The following SP140 variants were observed in gnomAD, a reference collection of about 807,000 sequenced individuals.
The protein encoded by SP140 is nuclear body protein SP140.
A neutral mutation model predicts 125.0 loss-of-function variants in SP140; 81 were observed. The ratio of observed to expected loss-of-function variants is 0.65; its 90% CI spans 0.54 to 0.78. The LOEUF (loss-of-function observed/expected upper bound fraction) is 0.78, where lower values mean the gene tolerates loss of function less well. SP140 is among the 30% of genes least tolerant of loss of function. SP140 has a pLI of 0.00. For missense variants in SP140, 858 were observed against 1,037.0 expected (o/e 0.83, Z 2.37); for synonymous variants, 312 against 354.0 (o/e 0.88, Z 1.33).
At chr2:230,221,364 C>T (rs2045805007), upstream of SP140, among the ~76,000 whole-genome samples, 1 of 151,904 alleles carries the variant, frequency 6.6e-6, no homozygotes, top group African/African-American at 2.4e-5. Context: ...GTTCCCCTAC[C>T]AGGACATCCA....
At chr2:230,277,541 G>A (rs2054903129) in intron 15 of SP140, among the ~76,000 whole-genome samples, 1 of 152,096 alleles carries the variant, frequency 6.6e-6, no homozygotes, top group Admixed American at 6.6e-5. Context: ...GTATTTCTAA[G>A]ATATGCCTGT....
chr2:230,239,663 G>T (rs2048445770), intron 3 of SP140, among the ~76,000 whole-genome samples: 1 of 152,184 alleles, frequency 6.6e-6, no homozygotes, highest in African/African-American at 2.4e-5. Flanking sequence ...TGGCAAGGCT[G>T]GTCTTGAACC....
intron 15 of SP140, among the ~76,000 whole-genome samples, chr2:230,275,300 C>G (rs2054547597): frequency 6.7e-6 from 1 of 150,362 alleles, no homozygotes; most frequent in South Asian, 2.2e-4. Context: ...TTGTGACAAC[C>G]CTGTGTCAAA....
intron 23 of SP140, chr2:230,310,313 T>C: frequency 2.0e-6 from 1 of 502,838 alleles, no homozygotes; most frequent in South Asian, 2.3e-5. Flanking sequence ...CTTGAAGTTT[T>C]GCAGCTGGGT....
At chr2:230,292,939 C>A in intron 20 of SP140, 151 bp downstream of exon 20, 1 of 1,149,604 alleles carries the variant, frequency 8.7e-7, no homozygotes, top group Non-Finnish European at 1.2e-6. Flanking sequence ...ACCCCACATT[C>A]ATAACCACAC....
At chr2:230,298,561 C>T (rs1163342684) in intron 22 of SP140, among the ~76,000 whole-genome samples, 2 of 152,174 alleles carry the variant, frequency 1.3e-5, no homozygotes, top group East Asian at 1.9e-4. Context: ...TCACAGCTCA[C>T]AGCCAGATAT....
intron 12 of SP140, among the ~76,000 whole-genome samples, chr2:230,265,489 G>T (rs1355390072): frequency 6.6e-6 from 1 of 152,146 alleles, no homozygotes; most frequent in Non-Finnish European, 1.5e-5. Context: ...TGTTCAAATT[G>T]TTACAAAGTT....
chr2:230,309,215 C>A (rs567940028), intron 22 of SP140, among the ~76,000 whole-genome samples: 3 of 152,302 alleles, frequency 2.0e-5, no homozygotes, highest in Admixed American at 1.3e-4. Flanking sequence ...GGGCCTCTGT[C>A]TTCAACACTG....
chr2:230,198,629 C>G (rs1024268676), upstream of SP140, among the ~76,000 whole-genome samples: 1 of 152,058 alleles, frequency 6.6e-6, no homozygotes, highest in Non-Finnish European at 1.5e-5. Context: ...GAGTCTTGCT[C>G]TGTTGCCCAG....
intron 12 of SP140, among the ~76,000 whole-genome samples, chr2:230,265,014 C>A (rs1582833): frequency 1.8e-4 from 28 of 151,872 alleles, no homozygotes; most frequent in African/African-American, 6.5e-4. Context: ...GGTGATGGGC[C>A]AGCCCTAGAA....
At chr2:230,275,849 T>A (rs774391325) in intron 15 of SP140, among the ~76,000 whole-genome samples, 4 of 152,134 alleles carry the variant, frequency 2.6e-5, no homozygotes, top group Non-Finnish European at 5.9e-5. Context: ...TTATCGCTGA[T>A]ATGGAGAAAG....
chr2:230,212,547 A>G (rs112419662), intron 1 of SP140: 42 of 1,059,608 alleles, frequency 4.0e-5, no homozygotes, highest in African/African-American at 3.7e-4. Context: ...GAGGGTTGGA[A>G]TGTCCCGGGA....
intron 1 of SP140, chr2:230,212,422 C>T (rs1464035564): frequency 3.1e-6 from 5 of 1,609,524 alleles, no homozygotes; most frequent in Admixed American, 1.7e-5. Flanking sequence ...GTTAACTTGT[C>T]ATTGGTCACT....
chr2:230,191,798 C>A, the SP140 span, among the ~76,000 whole-genome samples: 2 of 152,268 alleles, frequency 1.3e-5, no homozygotes, highest in Admixed American at 1.3e-4. Flanking sequence ...CCAGCATCAT[C>A]CTGATACCAA....
chr2:230,225,814 A>G lies in SP140; in HGVS notation c.-31A>G, dbSNP rs1330958598. ...TGCAGGAAGGAACGGGGCAGTGAAA[A>G]TCGAATCGGGTGTGATCCTAGGCCA... On this transcript the variant is annotated 5_prime_UTR_variant, in exon 1 of 27. Coordinates refer to ENST00000392045, the MANE Select transcript of SP140 (RefSeq NM_007237.5). 6.2e-7 allele frequency: 1 copy of G among 1,605,730 alleles called. No homozygotes were observed. Among genetic ancestry groups the G allele is most frequent in the Non-Finnish European group, 8.5e-7 (1 of 1,172,406 alleles).
At chr2:230,257,102 T>G (rs757936428) in intron 12 of SP140, among the ~76,000 whole-genome samples, 17 of 152,024 alleles carry the variant, frequency 1.1e-4, no homozygotes, top group Non-Finnish European at 2.1e-4. Flanking sequence ...GGGCATGGGT[T>G]GGGGTGGGGT....
intron 1 of SP140, among the ~76,000 whole-genome samples, chr2:230,232,896 A>C (rs982588442): frequency 1.3e-5 from 2 of 151,978 alleles, no homozygotes; most frequent in African/African-American, 4.8e-5. Flanking sequence ...TTTAAATGTG[A>C]GTATTGAGAA....
At chr2:230,189,080 T>C in the SP140 span, among the ~76,000 whole-genome samples, 12 of 92,242 alleles carry the variant, frequency 1.3e-4, no homozygotes, top group African/African-American at 5.0e-4. Context: ...GTTGAGTTTA[T>C]TTGAAACTTC....
upstream of SP140, among the ~76,000 whole-genome samples, chr2:230,222,145 G>A (rs1021803938): frequency 6.6e-6 from 1 of 151,600 alleles, no homozygotes; most frequent in Non-Finnish European, 1.5e-5. Flanking sequence ...CATGAGAATC[G>A]CTTGAACTCA....
Sources: gnomAD v4.1 joint callset for allele counts (sites outside exome capture counted in the v4.1 genomes callset) on GRCh38, gnomAD v4.1.1 for gene constraint, MANE v1.5 for transcripts, NCBI Gene and HGNC (gene_info 2026-07-23, HGNC 2026-07-21) for gene names.